OR51B5: variants seen among roughly 807,000 people sequenced by gnomAD.
The protein encoded by OR51B5 is olfactory receptor 51B5.
For missense variants in OR51B5, 456 were observed against 374.6 expected (o/e 1.22, Z -1.79); for synonymous variants, 186 against 144.8 (o/e 1.28, Z -2.04).
At chr11:5,500,332 C>T (rs1851700103) in intron 1 of OR51B5, among the ~76,000 whole-genome samples, 1 of 152,192 alleles carries the variant, frequency 6.6e-6, no homozygotes, top group Non-Finnish European at 1.5e-5. Context: ...TAACAAAACT[C>T]CTCTGTTGCA....
At chr11:5,360,717 A>G (rs560645946) in intron 1 of OR51B5, among the ~76,000 whole-genome samples, 50 of 151,498 alleles carry the variant, frequency 3.3e-4, no homozygotes, top group African/African-American at 7.0e-4. Context: ...CACTATTCAC[A>G]ATAGCAAAGA....
intron 1 of OR51B5, among the ~76,000 whole-genome samples, chr11:5,412,728 C>G (rs894370783): frequency 5.3e-5 from 8 of 152,014 alleles, no homozygotes; most frequent in South Asian, 4.2e-4. Flanking sequence ...AGGCGGCAGC[C>G]AGGCTGGGGG....
At chr11:5,462,071 C>G (rs900560783) in intron 1 of OR51B5, among the ~76,000 whole-genome samples, 9 of 152,114 alleles carry the variant, frequency 5.9e-5, no homozygotes, top group African/African-American at 2.2e-4. Flanking sequence ...ACAAGAAAAT[C>G]AAATACTGAA....
intron 1 of OR51B5, among the ~76,000 whole-genome samples, chr11:5,352,888 TTATATAAATAATA>T (rs1458366958): frequency 6.1e-4 from 90 of 147,942 alleles, no homozygotes; most frequent in Non-Finnish European, 7.3e-4. Context: ...TTTATATATA[TTATATAAATAATA>T]TATATATATG....
At chr11:5,367,816 T>A (rs1849393702) in intron 1 of OR51B5, among the ~76,000 whole-genome samples, 1 of 152,228 alleles carries the variant, frequency 6.6e-6, no homozygotes, top group Non-Finnish European at 1.5e-5. Flanking sequence ...GCACCCAGAA[T>A]AGAGGCACTT....
chr11:5,388,088 TAATG>T (rs1188492000), intron 1 of OR51B5, among the ~76,000 whole-genome samples: 12 of 152,132 alleles, frequency 7.9e-5, no homozygotes, highest in South Asian at 4.1e-4. Context: ...TTGAATCAAT[TAATG>T]AATAATTATT....
At chr11:5,489,302 T>C (rs148259401) in intron 1 of OR51B5, 155 of 1,611,160 alleles carry the variant, frequency 9.6e-5, no homozygotes, top group African/African-American at 9.1e-4. Context: ...ACTGTCAATA[T>C]TGTCTATGGG....
At chr11:5,438,957 A>G (rs1451530735) in intron 1 of OR51B5, among the ~76,000 whole-genome samples, 1 of 152,222 alleles carries the variant, frequency 6.6e-6, no homozygotes, top group Non-Finnish European at 1.5e-5. Context: ...ACTGCAGAAA[A>G]GAAAAAGAGT....
At chr11:5,465,205 CAAAAA>C (rs34459420) in intron 1 of OR51B5, among the ~76,000 whole-genome samples, 5 of 45,416 alleles carry the variant, frequency 1.1e-4, no homozygotes, top group Non-Finnish European at 1.5e-4. Context: ...GACTCCGTCT[CAAAAA>C]AAAAAAAAAA....
At chr11:5,409,949 C>T (rs571675848) in intron 1 of OR51B5, among the ~76,000 whole-genome samples, 1 of 152,180 alleles carries the variant, frequency 6.6e-6, no homozygotes, top group African/African-American at 2.4e-5. Flanking sequence ...AAACAGCTGG[C>T]TTCTCAGTAG....
At chr11:5,503,560 T>A (rs1376950119) in intron 1 of OR51B5, among the ~76,000 whole-genome samples, 1 of 152,226 alleles carries the variant, frequency 6.6e-6, no homozygotes, top group Admixed American at 6.5e-5. Flanking sequence ...AAATTTGACA[T>A]CTGCTATAAA....
chr11:5,434,530 T>C (rs1422174120), intron 1 of OR51B5, among the ~76,000 whole-genome samples: 1 of 152,098 alleles, frequency 6.6e-6, no homozygotes, highest in African/African-American at 2.4e-5. Context: ...TTTGAATCTG[T>C]CTAATTATCT....
At chr11:5,351,149 T>G (rs1849079115) in intron 1 of OR51B5, among the ~76,000 whole-genome samples, 1 of 152,194 alleles carries the variant, frequency 6.6e-6, no homozygotes, top group Admixed American at 6.5e-5. Flanking sequence ...CCTATAAGTT[T>G]CAGGCCATTA....
chr11:5,478,266 G>T (rs1054678755), intron 1 of OR51B5, among the ~76,000 whole-genome samples: 7 of 152,016 alleles, frequency 4.6e-5, no homozygotes, highest in Admixed American at 2.0e-4. Flanking sequence ...CACCTCACAC[G>T]GCAGGGTATT....
At chr11:5,460,398 G>GA (rs1187553827) in intron 1 of OR51B5, among the ~76,000 whole-genome samples, 1 of 151,982 alleles carries the variant, frequency 6.6e-6, no homozygotes, top group Admixed American at 6.6e-5. Context: ...TAAAAGTTTT[G>GA]AAAAAAGAAA....
At chr11:5,394,949 G>C (rs1356977893) in intron 1 of OR51B5, among the ~76,000 whole-genome samples, 1 of 152,170 alleles carries the variant, frequency 6.6e-6, no homozygotes, top group Admixed American at 6.5e-5. Flanking sequence ...GGGGACTTTT[G>C]TCTGGGAAAA....
chr11:5,443,587 C>A lies in OR51B5; in HGVS notation n.84+61982G>T, dbSNP rs543377839. On this transcript the variant is annotated intron_variant and non_coding_transcript_variant, in intron 1 of 4. Transcript: ENST00000415970. Reference sequence around the variant, plus strand: ...AAATAAAAAGACTCTTCTAAGAATTCATCCACAAGATAGGTTTACCCCCGT... The same window carrying A: ...AAATAAAAAGACTCTTCTAAGAATTAATCCACAAGATAGGTTTACCCCCGT... 4.6e-5 allele frequency among the ~76,000 whole-genome samples: 7 copies of A among 151,756 alleles called. No individual in the cohort carries two copies. The East Asian group carries it at 1.2e-3, about 25-fold the overall frequency.
At position 5,454,167 on chromosome 11, in the gene OR51B5, G is replaced by T. The variant is rs769158066; in HGVS notation, n.84+51402C>A. 8 of 1,613,828 alleles carry T rather than the reference G, an allele frequency of 5.0e-6. No homozygotes were observed. The South Asian group carries it at 8.8e-5, about 18-fold the overall frequency. ...TGTGCTCATTCTGCGTTCTGTCATG[G>T]CCACTGCTTCCCGTGAGGAACGCCT... On this transcript the variant is annotated intron_variant and non_coding_transcript_variant, in intron 1 of 4. Coordinates refer to the OR51B5 transcript ENST00000415970.
At chr11:5,473,855 G>GTGTGTT (rs1491427167) in intron 1 of OR51B5, among the ~76,000 whole-genome samples, 1 of 14,672 alleles carries the variant, frequency 6.8e-5, no homozygotes, top group African/African-American at 1.2e-4. Flanking sequence ...TACAAAATGA[G>GTGTGTT]TGTGTGTGTG....
Sources: allele counts gnomAD v4.1 joint callset (sites outside exome capture counted in the v4.1 genomes callset), GRCh38; gene constraint gnomAD v4.1.1; transcripts MANE v1.5; gene names NCBI Gene and HGNC (gene_info 2026-07-23, HGNC 2026-07-21).